Variants in LDB2 observed in about 807,000 individuals in gnomAD.
The protein encoded by LDB2 is LIM domain-binding protein 2.
A neutral mutation model predicts 44.3 loss-of-function variants in LDB2; 12 were observed. The ratio of observed to expected loss-of-function variants is 0.27; its 90% confidence interval spans 0.17 to 0.44. LDB2 has a LOEUF of 0.44. LDB2 is among the 20% of genes least tolerant of loss of function. The pLI, the probability that LDB2 is intolerant of heterozygous loss-of-function variation, is 1.00. For synonymous variants in LDB2, 164 were observed against 174.8 expected (o/e 0.94, Z 0.49); for missense variants, 344 against 473.5 (o/e 0.73, Z 2.54).
At chr4:16,686,948 T>C (rs1749398168) in intron 2 of LDB2, among the ~76,000 whole-genome samples, 1 of 152,196 alleles carries the variant, frequency 6.6e-6, no homozygotes, top group South Asian at 2.1e-4. Flanking sequence ...CTCTTTGGTC[T>C]CTTATTCCTC....
intron 2 of LDB2, among the ~76,000 whole-genome samples, chr4:16,755,088 C>T (rs1766248784): frequency 6.6e-6 from 1 of 152,126 alleles, no homozygotes; most frequent in Admixed American, 6.5e-5. Flanking sequence ...CCATTGTGGA[C>T]CTGGACCTGG....
intron 2 of LDB2, among the ~76,000 whole-genome samples, chr4:16,730,711 C>G (rs1484307995): frequency 2.6e-5 from 4 of 152,142 alleles, no homozygotes; most frequent in Non-Finnish European, 4.4e-5. Context: ...CAGACTTGTG[C>G]TGAGTTAGGA....
rs574853961 is a variant in LDB2 at position 16,788,975 on chromosome 4, G to C, written c.133-29715C>G. On this transcript the variant is annotated intron_variant, in intron 1 of 7. Transcript: ENST00000304523. ...GACCGGATTTCATTTTGGAATGCAT[G>C]CTATGGGGTTTTTTTTTCTGCTGCT... Among the ~76,000 whole-genome samples the C allele has an allele frequency of 1.3e-3, 200 of 152,322 alleles. 2 individuals are homozygous for C. The highest frequency in any genetic ancestry group is 4.7e-3 in the African/African-American group (194 of 41,576).
intron 2 of LDB2, among the ~76,000 whole-genome samples, chr4:16,738,783 G>A (rs1350170257): frequency 6.6e-6 from 1 of 152,168 alleles, no homozygotes; most frequent in Non-Finnish European, 1.5e-5. Context: ...ATATGCGAAT[G>A]GATGAAATAA....
At chr4:16,850,002 C>T (rs1435996434) in intron 1 of LDB2, among the ~76,000 whole-genome samples, 1 of 152,140 alleles carries the variant, frequency 6.6e-6, no homozygotes, top group Non-Finnish European at 1.5e-5. Flanking sequence ...TTCAAAACTC[C>T]AACATATATT....
chr4:16,744,883 T>A (rs73241039), intron 2 of LDB2, among the ~76,000 whole-genome samples: 12,354 of 152,220 alleles, frequency 0.081, 760 homozygotes, highest in East Asian at 0.38. Flanking sequence ...ATTTTTTGGT[T>A]TGTTAGCTGT....
intron 1 of LDB2, among the ~76,000 whole-genome samples, chr4:16,762,353 T>C (rs1030079944): frequency 6.6e-6 from 1 of 152,218 alleles, no homozygotes; most frequent in African/African-American, 2.4e-5. Flanking sequence ...GCTTTGCTCA[T>C]TATTCAGAGG....
At chr4:16,513,516 G>T (rs1351680987) in intron 5 of LDB2, among the ~76,000 whole-genome samples, 2 of 152,198 alleles carry the variant, frequency 1.3e-5, no homozygotes, top group Non-Finnish European at 2.9e-5. Flanking sequence ...CAAACGAATA[G>T]ATGCATTTAA....
intron 5 of LDB2, among the ~76,000 whole-genome samples, chr4:16,550,611 A>C (rs1355485728): frequency 6.6e-6 from 1 of 152,264 alleles, no homozygotes; most frequent in African/African-American, 2.4e-5. Context: ...AGATTGGTGA[A>C]AATTCCAATA....
At chr4:16,812,815 G>A (rs957199951) in intron 1 of LDB2, among the ~76,000 whole-genome samples, 7 of 151,880 alleles carry the variant, frequency 4.6e-5, no homozygotes, top group Admixed American at 1.3e-4. Context: ...AATGCACAAC[G>A]ATAATTGTAT....
At chr4:16,853,231 T>G (rs2110199831) in intron 1 of LDB2, among the ~76,000 whole-genome samples, 1 of 152,324 alleles carries the variant, frequency 6.6e-6, no homozygotes, top group Admixed American at 6.5e-5. Flanking sequence ...GCAAAGCATG[T>G]ATCTCATAAA....
At chr4:16,540,864 T>G (rs1733527118) in intron 5 of LDB2, among the ~76,000 whole-genome samples, 1 of 152,182 alleles carries the variant, frequency 6.6e-6, no homozygotes, top group East Asian at 1.9e-4. Flanking sequence ...TTTATCTTTA[T>G]CCCAAATTAA....
rs563597961 is a variant in LDB2, at chr4:16,877,240, C to T, written c.132+21114G>A. On this transcript the variant is annotated intron_variant, in intron 1 of 7. Transcript: ENST00000304523. Reference sequence around the variant, plus strand: ...TGGAGCTTCAAGGGGATCATTGCAACGAATCATTCTCTTTTCCTTCTTATT... The same window carrying T: ...TGGAGCTTCAAGGGGATCATTGCAATGAATCATTCTCTTTTCCTTCTTATT... Among the ~76,000 whole-genome samples the T allele has an allele frequency of 1.1e-4, 17 of 152,270 alleles. No homozygotes were observed. The South Asian group carries it at 1.2e-3, about 11-fold the overall frequency.
At chr4:16,809,933 A>C (rs973537592) in intron 1 of LDB2, among the ~76,000 whole-genome samples, 1 of 152,224 alleles carries the variant, frequency 6.6e-6, no homozygotes, top group African/African-American at 2.4e-5. Context: ...CAAGTACTGC[A>C]CATATTGATT....
chr4:16,686,739 G>GAATCAATC (rs543998754), intron 2 of LDB2, among the ~76,000 whole-genome samples: 1 of 151,936 alleles, frequency 6.6e-6, no homozygotes, highest in African/African-American at 2.4e-5. Flanking sequence ...ATGAATGAAT[G>GAATCAATC]AATCAATCAA....
chr4:16,835,346 C>G lies in LDB2; in HGVS notation c.132+63008G>C, dbSNP rs553253543. Among the ~76,000 whole-genome samples, 35 of 152,308 alleles carry G rather than the reference C, an allele frequency of 2.3e-4. 1 individual carries two copies. Among genetic ancestry groups the G allele is most frequent in the African/African-American group, 8.4e-4 (35 of 41,574 alleles). ...TTGCGGTCAATTACCATTAGATGGA[C>G]TTGCCTGTTCTTGAAATCATGTAAA... On this transcript the variant is annotated intron_variant, in intron 1 of 7. Coordinates refer to ENST00000304523, the MANE Select transcript of LDB2 (RefSeq NM_001290.5).
Position 16,707,324 on chromosome 4 carries a change from C to T in LDB2, c.235+51834G>A, listed in dbSNP as rs375995336. ...CTGAGCATAATAATGAAATACAATT[C>T]TAATACTGTGCTCTAACCTTTAGAG... On this transcript the variant is annotated intron_variant, in intron 2 of 7. Transcript: ENST00000304523. 5.9e-5 allele frequency among the ~76,000 whole-genome samples: 9 copies of T among 152,176 alleles called. No individual in the cohort carries two copies. The South Asian group carries it at 1.2e-3, about 21-fold the overall frequency.
intron 2 of LDB2, among the ~76,000 whole-genome samples, chr4:16,755,472 G>GGTGTGT (rs58186199): frequency 0.037 from 4,366 of 118,124 alleles, 164 homozygotes; most frequent in East Asian, 0.046. Flanking sequence ...GTAGGAATAG[G>GGTGTGT]GTGTGTGTGT....
At chr4:16,763,870 G>C (rs1268439863) in intron 1 of LDB2, among the ~76,000 whole-genome samples, 1 of 151,840 alleles carries the variant, frequency 6.6e-6, no homozygotes, top group Non-Finnish European at 1.5e-5. Flanking sequence ...GCGTCTGTTT[G>C]CTTGTTGGGT....
Sources: gnomAD v4.1 joint callset for allele counts (sites outside exome capture counted in the v4.1 genomes callset) on GRCh38, gnomAD v4.1.1 for gene constraint, MANE v1.5 for transcripts, NCBI Gene and HGNC (gene_info 2026-07-23, HGNC 2026-07-21) for gene names.